The following TSGA10 variants were observed in gnomAD, a reference collection of about 807,000 sequenced individuals.
TSGA10 encodes testis-specific gene 10 protein.
A neutral mutation model predicts 96.6 loss-of-function variants in TSGA10; 43 were observed. That is an observed-to-expected ratio of 0.44 (90% CI 0.35 to 0.57). The LOEUF (loss-of-function observed/expected upper bound fraction) is 0.57. Among genes scored for constraint, TSGA10 ranks in the 20% least tolerant of loss-of-function variants. TSGA10 has a pLI of 0.01. For synonymous variants in TSGA10, 229 were observed against 269.9 expected, an observed-to-expected ratio of 0.85 and a Z score of 1.48; for missense variants, 703 against 834.4, an observed-to-expected ratio of 0.84 and a Z score of 1.94.
At chr2:99,048,361 G>C (rs1046391253) in intron 16 of TSGA10, among the ~76,000 whole-genome samples, 1 of 152,068 alleles carries the variant, frequency 6.6e-6, no homozygotes, top group African/African-American at 2.4e-5. Flanking sequence ...CATGGTACTG[G>C]TACCAAAACA....
intron 1 of TSGA10, 64 bp from the exon 2 acceptor site, chr2:99,127,240 C>T (rs2092875052): frequency 2.7e-6 from 3 of 1,101,954 alleles, no homozygotes; most frequent in Non-Finnish European, 3.4e-6. Context: ...TGATTTCTTA[C>T]ATCAATACAT....
chr2:99,091,223 G>C (rs1444035723), intron 10 of TSGA10, among the ~76,000 whole-genome samples: 4 of 152,104 alleles, frequency 2.6e-5, no homozygotes, highest in East Asian at 3.8e-4. Flanking sequence ...CAAATGCAGA[G>C]AGAATATACC....
At chr2:99,023,512 G>A (rs2080238055) in intron 17 of TSGA10, among the ~76,000 whole-genome samples, 1 of 151,940 alleles carries the variant, frequency 6.6e-6, no homozygotes, top group African/African-American at 2.4e-5. Context: ...ATTTACTTCT[G>A]TGTTTTCTTC....
intron 14 of TSGA10, 65 bp downstream of exon 14, chr2:99,071,641 G>C: frequency 4.7e-6 from 7 of 1,486,704 alleles, no homozygotes; most frequent in Non-Finnish European, 4.6e-6. Context: ...TAAAATGAGG[G>C]CTGTTCCTCA....
intron 10 of TSGA10, among the ~76,000 whole-genome samples, chr2:99,087,249 G>C (rs894875293): frequency 6.6e-6 from 1 of 151,926 alleles, no homozygotes; most frequent in African/African-American, 2.4e-5. Context: ...GCTAATGCCT[G>C]TAATCCCGTC....
At chr2:99,099,402 A>C (rs776483842) in intron 10 of TSGA10, among the ~76,000 whole-genome samples, 16 of 152,246 alleles carry the variant, frequency 1.1e-4, no homozygotes, top group Non-Finnish European at 2.1e-4. Flanking sequence ...TACAAAACAA[A>C]GTATTAGTTA....
At position 99,013,448 on chromosome 2, in the gene TSGA10, T is replaced by C. The variant is rs536004181; in HGVS notation, c.2072+4752A>G. 1.3e-4 allele frequency among the ~76,000 whole-genome samples: 20 copies of C among 152,154 alleles called. No individual in the cohort carries two copies. The South Asian group carries it at 4.2e-3, about 32-fold the overall frequency. On this transcript the variant is annotated intron_variant, in intron 20 of 20. Transcript: ENST00000393483. ...CCTGGGTTCACACTATTCTCCTGCC[T>C]CAGCCTCCCGAGTGGCTGGGACTAC...
chr2:99,042,365 G>A (rs549784474), intron 16 of TSGA10, among the ~76,000 whole-genome samples: 1 of 152,224 alleles, frequency 6.6e-6, no homozygotes, highest in East Asian at 1.9e-4. Flanking sequence ...CCTCAGTAGG[G>A]AAGAAAGCGC....
chr2:98,999,994 G>A (rs1007249612), intron 20 of TSGA10, among the ~76,000 whole-genome samples: 4 of 152,162 alleles, frequency 2.6e-5, no homozygotes, highest in Admixed American at 6.5e-5. Flanking sequence ...AGGCTCAAGC[G>A]ATCTGTCTGC....
chr2:99,125,097 CTA>C (rs985392665), intron 2 of TSGA10: 3 of 152,092 alleles, frequency 2.0e-5, no homozygotes, highest in African/African-American at 7.2e-5. Context: ...TTTATGGTTT[CTA>C]TAGTTTTATC....
chr2:99,081,209 G>C (rs1201138599), intron 11 of TSGA10, 73 bp downstream of exon 11: 3 of 798,374 alleles, frequency 3.8e-6, no homozygotes, highest in Non-Finnish European at 5.9e-6. Flanking sequence ...ATGTTATACT[G>C]AAGAGAAGAA....
chr2:99,084,822 T>A (rs948701818), intron 10 of TSGA10, among the ~76,000 whole-genome samples: 4 of 151,884 alleles, frequency 2.6e-5, no homozygotes, highest in Admixed American at 1.3e-4. Context: ...AGAGCATTGT[T>A]TTACACAATA....
intron 16 of TSGA10, among the ~76,000 whole-genome samples, chr2:99,041,009 C>T (rs890576332): frequency 1.3e-5 from 2 of 152,228 alleles, no homozygotes; most frequent in Non-Finnish European, 2.9e-5. Flanking sequence ...ATAGCTTATG[C>T]CCCTTCCTTA....
At chr2:99,112,883 A>T (rs1025498715) in intron 4 of TSGA10, among the ~76,000 whole-genome samples, 7 of 144,658 alleles carry the variant, frequency 4.8e-5, no homozygotes, top group African/African-American at 1.8e-4. Context: ...TGTGGGGGAC[A>T]AACAAAGACT....
At chr2:99,146,589 G>C (rs1451050392) in intron 1 of TSGA10, among the ~76,000 whole-genome samples, 1 of 152,020 alleles carries the variant, frequency 6.6e-6, no homozygotes, top group Non-Finnish European at 1.5e-5. Context: ...TGCATTTACA[G>C]TTCTGCCATT....
intron 14 of TSGA10, among the ~76,000 whole-genome samples, chr2:99,071,336 G>A (rs2085933316): frequency 6.6e-6 from 1 of 151,932 alleles, no homozygotes; most frequent in Admixed American, 6.6e-5. Context: ...ACAAGGCACA[G>A]TCCATACATT....
intron 10 of TSGA10, chr2:99,102,550 C>T: frequency 6.2e-7 from 1 of 1,614,134 alleles, no homozygotes; most frequent in Non-Finnish European, 8.5e-7. Flanking sequence ...GCTCTGGATG[C>T]TCAGCACAGA....
chr2:99,023,200 A>G (rs907293074), intron 17 of TSGA10, among the ~76,000 whole-genome samples: 1 of 152,044 alleles, frequency 6.6e-6, no homozygotes, highest in African/African-American at 2.4e-5. Flanking sequence ...GGTTTTTGCC[A>G]TGTTGCCCAG....
chr2:99,148,867 C>T (rs941245187), intron 1 of TSGA10, among the ~76,000 whole-genome samples: 1 of 151,712 alleles, frequency 6.6e-6, no homozygotes, highest in Non-Finnish European at 1.5e-5. Context: ...AGATGGATGA[C>T]CATGATGTTT....
Sources: gnomAD v4.1 joint callset for allele counts (sites outside exome capture counted in the v4.1 genomes callset) on GRCh38, gnomAD v4.1.1 for gene constraint, MANE v1.5 for transcripts, NCBI Gene and HGNC (gene_info 2026-07-23, HGNC 2026-07-21) for gene names.